The following CNTNAP5 variants were observed in gnomAD, a reference collection of about 807,000 sequenced individuals.
The protein encoded by CNTNAP5 is contactin-associated protein-like 5.
In CNTNAP5, 72 loss-of-function variants were observed where a neutral mutation model predicts 150.2. The observed-to-expected ratio is 0.48, with a 90% CI of 0.40 to 0.58. CNTNAP5 has a LOEUF of 0.58. Among genes scored for constraint, CNTNAP5 ranks in the 20% least tolerant of loss-of-function variants. The pLI, the probability that CNTNAP5 is intolerant of heterozygous loss-of-function variation, is 0.00. For synonymous variants in CNTNAP5, 672 were observed against 619.8 expected (o/e 1.08, Z -1.25); for missense variants, 1,636 against 1,626.2 (o/e 1.01, Z -0.10).
intron 10 of CNTNAP5, among the ~76,000 whole-genome samples, chr2:124,558,953 A>G (rs1249906029): frequency 6.6e-6 from 1 of 152,162 alleles, no homozygotes; most frequent in Non-Finnish European, 1.5e-5. Context: ...ACATCCTACA[A>G]AATCTTATCT....
At chr2:124,812,778 A>T (rs1682264941) in intron 19 of CNTNAP5, among the ~76,000 whole-genome samples, 1 of 152,048 alleles carries the variant, frequency 6.6e-6, no homozygotes, top group African/African-American at 2.4e-5. Flanking sequence ...TATATGATTG[A>T]TGTCCCATAT....
chr2:124,622,666 T>C (rs1677642727), intron 12 of CNTNAP5, among the ~76,000 whole-genome samples: 1 of 152,100 alleles, frequency 6.6e-6, no homozygotes, highest in South Asian at 2.1e-4. Context: ...CCATCCTGAT[T>C]GGTGTGACAC....
intron 22 of CNTNAP5, among the ~76,000 whole-genome samples, chr2:124,908,892 G>A (rs765893411): frequency 6.6e-6 from 1 of 151,966 alleles, no homozygotes; most frequent in Non-Finnish European, 1.5e-5. Context: ...AAATCTTCTA[G>A]CAAAAGGATA....
chr2:124,893,127 A>G (rs945527628), intron 21 of CNTNAP5, among the ~76,000 whole-genome samples: 2 of 152,166 alleles, frequency 1.3e-5, no homozygotes, highest in African/African-American at 4.8e-5. Context: ...AAAGGAAGCC[A>G]GTGTACCATC....
At chr2:124,868,903 G>A (rs1047362578) in intron 20 of CNTNAP5, among the ~76,000 whole-genome samples, 2 of 152,098 alleles carry the variant, frequency 1.3e-5, no homozygotes, top group Non-Finnish European at 2.9e-5. Context: ...GTAGAGCCTG[G>A]AAGAAACCAG....
At chr2:124,782,292 T>G (rs1301839101) in intron 17 of CNTNAP5, among the ~76,000 whole-genome samples, 2 of 152,144 alleles carry the variant, frequency 1.3e-5, no homozygotes, top group African/African-American at 4.8e-5. Context: ...AGCAGGAAAA[T>G]ATGGATGATA....
chr2:124,227,640 ATGTGTGTGTGTG>A (rs200129722), intron 2 of CNTNAP5, among the ~76,000 whole-genome samples: 19 of 143,418 alleles, frequency 1.3e-4, no homozygotes, highest in Admixed American at 2.1e-4. Context: ...CATCGTGTGT[ATGTGTGTGTGTG>A]TGTGTGTGTG....
chr2:124,389,810 A>G (rs1691064692), intron 3 of CNTNAP5, among the ~76,000 whole-genome samples: 1 of 152,078 alleles, frequency 6.6e-6, no homozygotes, highest in African/African-American at 2.4e-5. Flanking sequence ...ACAAAAGAAT[A>G]TGAAAATTAG....
At chr2:124,229,343 C>G (rs1295793417) in intron 2 of CNTNAP5, among the ~76,000 whole-genome samples, 1 of 152,060 alleles carries the variant, frequency 6.6e-6, no homozygotes, top group Non-Finnish European at 1.5e-5. Context: ...AAGGTCTGGG[C>G]AATCCGGCAC....
At chr2:124,584,901 A>T (rs1161298088) in intron 11 of CNTNAP5, among the ~76,000 whole-genome samples, 1 of 152,206 alleles carries the variant, frequency 6.6e-6, no homozygotes, top group Non-Finnish European at 1.5e-5. Context: ...CGTAGAGTCA[A>T]GAACAAACAT....
At chr2:124,211,629 G>C (rs1288563715) in intron 1 of CNTNAP5, among the ~76,000 whole-genome samples, 1 of 151,962 alleles carries the variant, frequency 6.6e-6, no homozygotes, top group African/African-American at 2.4e-5. Flanking sequence ...ACCAGTAAAG[G>C]TCAATGTTTG....
intron 3 of CNTNAP5, among the ~76,000 whole-genome samples, chr2:124,262,534 C>A (rs920983899): frequency 2.0e-4 from 31 of 152,184 alleles, no homozygotes; most frequent in African/African-American, 7.2e-4. Context: ...CCCCGGTTCA[C>A]CTTTTACTTC....
chr2:124,182,480 A>C (rs1322518916), intron 1 of CNTNAP5, among the ~76,000 whole-genome samples: 1 of 152,198 alleles, frequency 6.6e-6, no homozygotes, highest in Non-Finnish European at 1.5e-5. Context: ...GTATGTCTAG[A>C]ATACTAAAAC....
intron 2 of CNTNAP5, among the ~76,000 whole-genome samples, chr2:124,240,251 T>A (rs1406505848): frequency 1.3e-5 from 2 of 152,188 alleles, no homozygotes; most frequent in African/African-American, 2.4e-5. Context: ...GGTGAACGTG[T>A]TCAAGTAGGC....
chr2:124,287,010 G>A (rs1573891976), intron 3 of CNTNAP5, among the ~76,000 whole-genome samples: 1 of 152,146 alleles, frequency 6.6e-6, no homozygotes, highest in East Asian at 1.9e-4. Flanking sequence ...AGATGTATGG[G>A]ATTGTCCCTG....
At chr2:124,638,590 T>G (rs1219296660) in intron 12 of CNTNAP5, among the ~76,000 whole-genome samples, 1 of 152,224 alleles carries the variant, frequency 6.6e-6, no homozygotes, top group Non-Finnish European at 1.5e-5. Context: ...TAAAGCATTT[T>G]CATGTTACAA....
chr2:124,158,078 T>C (rs1360530315), intron 1 of CNTNAP5, among the ~76,000 whole-genome samples: 1 of 152,198 alleles, frequency 6.6e-6, no homozygotes, highest in Non-Finnish European at 1.5e-5. Flanking sequence ...CTTGTTAACA[T>C]TGGTGGGTCA....
At chr2:124,692,338 A>G (rs183224677) in intron 13 of CNTNAP5, among the ~76,000 whole-genome samples, 9 of 152,288 alleles carry the variant, frequency 5.9e-5, no homozygotes, top group Admixed American at 4.6e-4. Context: ...TCAGTTACAT[A>G]TTGACTATAG....
In CNTNAP5 at chr2:124,839,849, G is replaced by A. The variant is rs1005850792; in HGVS notation, c.3218-25457G>A. Among the ~76,000 whole-genome samples the A allele has an allele frequency of 3.3e-5, 5 of 152,034 alleles. No individual in the cohort carries two copies. The South Asian group carries it at 6.2e-4, about 19-fold the overall frequency. ...TGTGAAGGGCTTCTTGGAGAGCTCC[G>A]GAGATCTTTGCTAAATGTGAGGGAA... On this transcript the variant is annotated intron_variant, in intron 19 of 23. Transcript: ENST00000682447.
Sources: gnomAD v4.1 joint callset for allele counts (sites outside exome capture counted in the v4.1 genomes callset) on GRCh38, gnomAD v4.1.1 for gene constraint, MANE v1.5 for transcripts, NCBI Gene and HGNC (gene_info 2026-07-23, HGNC 2026-07-21) for gene names.